The following SMYD3 variants were observed in gnomAD, a reference collection of about 807,000 sequenced individuals.
SMYD3 encodes histone-lysine N-methyltransferase SMYD3.
SMYD3 carries 36 observed loss-of-function variants against 57.7 expected under a neutral mutation model. That is an observed-to-expected ratio of 0.62 (90% CI 0.48 to 0.82). The LOEUF is 0.82. Among genes scored for constraint, SMYD3 ranks in the 40% least tolerant of loss-of-function variants. The probability of loss-of-function intolerance (pLI) is 0.00; values close to 1 mark genes in which losing one functional copy is unlikely to be tolerated. For missense variants in SMYD3, 515 were observed against 538.8 expected (o/e 0.96, Z 0.44); for synonymous variants, 211 against 195.0 (o/e 1.08, Z -0.68).
chr1:246,353,058 G>C (rs72778114), intron 2 of SMYD3, among the ~76,000 whole-genome samples: 23,758 of 152,082 alleles, frequency 0.16, 2,123 homozygotes, highest in East Asian at 0.3. Context: ...AAGCTTTCTG[G>C]AACGAATACT....
At chr1:245,892,667 A>G (rs9727132) in intron 8 of SMYD3, among the ~76,000 whole-genome samples, 151,980 of 152,366 alleles carry the variant, frequency 1, 75,802 homozygotes, top group Middle Eastern at 1. Context: ...GACTCAGCAA[A>G]TGGTACTAGA....
intron 5 of SMYD3, among the ~76,000 whole-genome samples, chr1:246,005,477 A>G (rs946622703): frequency 1.3e-5 from 2 of 152,200 alleles, no homozygotes; most frequent in African/African-American, 2.4e-5. Flanking sequence ...CTCATCTAAA[A>G]TGCGGATAGT....
chr1:246,235,861 T>C (rs1360968679), intron 5 of SMYD3, among the ~76,000 whole-genome samples: 1 of 152,174 alleles, frequency 6.6e-6, no homozygotes, highest in African/African-American at 2.4e-5. Context: ...GCACTTGAAA[T>C]ATGGCTAGTG....
At chr1:246,315,543 A>G (rs1384965305) in intron 5 of SMYD3, among the ~76,000 whole-genome samples, 1 of 152,216 alleles carries the variant, frequency 6.6e-6, no homozygotes, top group Non-Finnish European at 1.5e-5. Flanking sequence ...GAGACAACCC[A>G]TCCTGACACG....
chr1:246,268,426 G>A (rs781103981), intron 5 of SMYD3, among the ~76,000 whole-genome samples: 24 of 152,070 alleles, frequency 1.6e-4, no homozygotes, highest in East Asian at 3.9e-4. Flanking sequence ...CCGGCCAGGC[G>A]CAGTGGCTCA....
chr1:246,369,337 T>C (rs747132838), intron 1 of SMYD3, among the ~76,000 whole-genome samples: 7 of 152,218 alleles, frequency 4.6e-5, no homozygotes, highest in Non-Finnish European at 8.8e-5. Context: ...TTCAGAATTT[T>C]ATAAACCTTT....
chr1:246,386,768 AG>A (rs2148761457), intron 1 of SMYD3, among the ~76,000 whole-genome samples: 1 of 152,258 alleles, frequency 6.6e-6, no homozygotes, highest in Admixed American at 6.5e-5. Flanking sequence ...AATGAGAGAA[AG>A]GGTGGGAGAA....
At chr1:246,160,232 G>A (rs1037890274) in intron 5 of SMYD3, among the ~76,000 whole-genome samples, 14 of 152,210 alleles carry the variant, frequency 9.2e-5, no homozygotes, top group African/African-American at 3.4e-4. Flanking sequence ...TTTATAGGAA[G>A]TGTTTATTTG....
At chr1:246,225,763 A>G (rs2063322081) in intron 5 of SMYD3, among the ~76,000 whole-genome samples, 1 of 152,040 alleles carries the variant, frequency 6.6e-6, no homozygotes, top group Non-Finnish European at 1.5e-5. Flanking sequence ...ATCTCTCCAT[A>G]TTTTTCTGCC....
intron 10 of SMYD3, among the ~76,000 whole-genome samples, chr1:245,839,138 C>T (rs1021849759): frequency 6.6e-5 from 10 of 152,320 alleles, no homozygotes; most frequent in African/African-American, 2.4e-4. Context: ...CATTTTGAAA[C>T]CCTCACAGCA....
intron 8 of SMYD3, among the ~76,000 whole-genome samples, chr1:245,872,210 A>G (rs966643822): frequency 3.3e-5 from 5 of 152,230 alleles, no homozygotes; most frequent in Admixed American, 2.0e-4. Context: ...ATTGGCTTTA[A>G]AAGGTTATTT....
intron 10 of SMYD3, among the ~76,000 whole-genome samples, chr1:245,792,395 A>G (rs1176283219): frequency 6.6e-6 from 1 of 152,252 alleles, no homozygotes; most frequent in Non-Finnish European, 1.5e-5. Context: ...CTCAACTGCT[A>G]GCAGATAGGG....
chr1:246,419,222 A>G (rs2067106639), intron 1 of SMYD3, among the ~76,000 whole-genome samples: 2 of 152,298 alleles, frequency 1.3e-5, no homozygotes, highest in African/African-American at 2.4e-5. Context: ...AGATAAACCT[A>G]TAAGAACTAA....
intron 5 of SMYD3, among the ~76,000 whole-genome samples, chr1:246,262,014 C>A (rs776419786): frequency 4.4e-5 from 6 of 135,686 alleles, no homozygotes; most frequent in Non-Finnish European, 9.5e-5. Flanking sequence ...GTTTCTCTGA[C>A]ATCATTCTGC....
chr1:245,999,934 G>C (rs146299110), intron 5 of SMYD3, among the ~76,000 whole-genome samples: 1 of 152,158 alleles, frequency 6.6e-6, no homozygotes, highest in East Asian at 1.9e-4. Context: ...AGGCACCAGG[G>C]AACATGCTGG....
At chr1:246,350,449 AAAG>A (rs1407736722) in intron 2 of SMYD3, among the ~76,000 whole-genome samples, 16 of 152,334 alleles carry the variant, frequency 1.1e-4, no homozygotes, top group Admixed American at 7.2e-4. Flanking sequence ...AGGTAGTACT[AAAG>A]AAGCTGACGA....
chr1:246,049,583 G>A (rs955750908), intron 5 of SMYD3, among the ~76,000 whole-genome samples: 1 of 152,010 alleles, frequency 6.6e-6, no homozygotes, highest in Non-Finnish European at 1.5e-5. Flanking sequence ...GGGATTACAG[G>A]CGTGAGCCAC....
At chr1:246,499,363 ATATG>A (rs572913215) in intron 1 of SMYD3, among the ~76,000 whole-genome samples, 57 of 151,622 alleles carry the variant, frequency 3.8e-4, no homozygotes, top group African/African-American at 1.4e-3. Flanking sequence ...AAATTTACAT[ATATG>A]TAACAATTTT....
intron 1 of SMYD3, among the ~76,000 whole-genome samples, chr1:246,443,238 T>C (rs1163762504): frequency 6.6e-6 from 1 of 152,244 alleles, no homozygotes; most frequent in Non-Finnish European, 1.5e-5. Context: ...CCCTATTTAA[T>C]ATCTTTCAGT....
Sources: allele counts gnomAD v4.1 joint callset (sites outside exome capture counted in the v4.1 genomes callset), GRCh38; gene constraint gnomAD v4.1.1; transcripts MANE v1.5; gene names NCBI Gene and HGNC (gene_info 2026-07-23, HGNC 2026-07-21).